Variants in COL23A1 observed in about 807,000 individuals in gnomAD.
COL23A1 encodes the protein collagen alpha-1(XXIII) chain.
In COL23A1, 97 loss-of-function variants were observed where a neutral mutation model predicts 99.3. The observed-to-expected ratio is 0.98, with a 90% CI of 0.83 to 1.16. COL23A1 has a LOEUF of 1.16. Ranked by LOEUF, COL23A1 falls within the 50% of genes most tolerant of loss-of-function variation. The pLI is 0.00. For missense variants in COL23A1, 762 were observed against 757.4 expected, an observed-to-expected ratio of 1.01 and a Z score of -0.07; for synonymous variants, 320 against 308.2, an observed-to-expected ratio of 1.04 and a Z score of -0.40.
chr5:178,254,954 G>C lies in COL23A1; in HGVS notation c.955C>G (p.Leu319Val). 6.2e-7 allele frequency: 1 copy of C among 1,613,186 alleles called. No individual in the cohort carries two copies. The highest frequency in any genetic ancestry group is 8.5e-7 in the Non-Finnish European group (1 of 1,179,366). The change falls in exon 16 of 29, where the codon CTC (leucine) becomes GTC (valine). Residue 319 changes from leucine to valine, a missense_variant. Physicochemically the swap from Leu to Val is conservative, Grantham distance 32 (BLOSUM62 1). Coordinates refer to ENST00000390654, the MANE Select transcript of COL23A1 (RefSeq NM_173465.4). ...GGTCCCACCAGGAACACTACCTTGA[G>C]GGCATCCAAGATCCTGCCATCATAG... ...IDYDGRILDA[L>V]KGPPGPQGPP...
chr5:178,367,051 T>C (rs945324662), intron 2 of COL23A1, among the ~76,000 whole-genome samples: 4 of 152,182 alleles, frequency 2.6e-5, no homozygotes, highest in African/African-American at 4.8e-5. Context: ...TCTTCTCTGG[T>C]TGGGTTTTGG....
intron 2 of COL23A1, among the ~76,000 whole-genome samples, chr5:178,471,347 T>TTC (rs1185649555): frequency 6.6e-6 from 1 of 152,198 alleles, no homozygotes; most frequent in Admixed American, 6.5e-5. Flanking sequence ...GTTCAAGTGA[T>TTC]TCTCCTGCCT....
intron 18 of COL23A1, among the ~76,000 whole-genome samples, chr5:178,249,759 G>A (rs983752460): frequency 1.9e-5 from 2 of 105,210 alleles, no homozygotes; most frequent in Middle Eastern, 7.9e-3. Flanking sequence ...CTCGAATTGG[G>A]GCAATACCTA....
intron 2 of COL23A1, among the ~76,000 whole-genome samples, chr5:178,346,650 C>CTA: frequency 6.6e-6 from 1 of 152,190 alleles, no homozygotes; most frequent in Non-Finnish European, 1.5e-5. Flanking sequence ...CTCTTGAAGG[C>CTA]TATCAACAAG....
intron 5 of COL23A1, among the ~76,000 whole-genome samples, chr5:178,278,431 C>G (rs1290757011): frequency 8.5e-5 from 13 of 152,210 alleles, no homozygotes; most frequent in Admixed American, 3.3e-4. Context: ...TCCAGCTTCT[C>G]TGGAAATGTT....
intron 2 of COL23A1, among the ~76,000 whole-genome samples, chr5:178,502,338 A>G (rs542802207): frequency 3.3e-4 from 51 of 152,244 alleles, no homozygotes; most frequent in East Asian, 1.6e-3. Flanking sequence ...TCACCATGTT[A>G]GCCAGGATGG....
intron 2 of COL23A1, among the ~76,000 whole-genome samples, chr5:178,377,114 G>C (rs1399912780): frequency 4.6e-5 from 7 of 152,182 alleles, no homozygotes; most frequent in African/African-American, 4.8e-5. Flanking sequence ...CAGATTGATG[G>C]GACTACGCGG....
chr5:178,531,147 G>A (rs556921110), intron 2 of COL23A1, among the ~76,000 whole-genome samples: 2 of 152,222 alleles, frequency 1.3e-5, no homozygotes, highest in East Asian at 1.9e-4. Context: ...GATTACAGGT[G>A]TGAGCCACCG....
rs1422595639 is a variant in COL23A1 at position 178,590,211 on chromosome 5, C to A, written c.-14G>T. On this transcript the variant is annotated 5_prime_UTR_variant, in exon 1 of 29. Transcript: ENST00000390654. This position sits in a 1 kb window ranked among gnomAD's most constrained non-coding sequence, Gnocchi z 5.7. Reference sequence around the variant, plus strand: ...GCCTGGGCCCATGGCGCGTTCGTCGCGCGTGGACTCTCCGAGGGGGCGGTG... The same window carrying A: ...GCCTGGGCCCATGGCGCGTTCGTCGAGCGTGGACTCTCCGAGGGGGCGGTG... The A allele has an allele frequency of 9.1e-6, 11 of 1,209,670 alleles. No homozygotes were observed. The highest frequency in any genetic ancestry group is 3.4e-5 in the East Asian group (1 of 28,996). 74.9% of individuals were successfully genotyped at this position (1,209,670 alleles called of 1,614,324 possible).
At chr5:178,355,059 A>AC (rs1761561089) in intron 2 of COL23A1, among the ~76,000 whole-genome samples, 1 of 151,396 alleles carries the variant, frequency 6.6e-6, no homozygotes, top group South Asian at 2.1e-4. Context: ...TTTGTCTCAA[A>AC]AAAAAAAAAA....
At chr5:178,524,277 T>C (rs547761689) in intron 2 of COL23A1, among the ~76,000 whole-genome samples, 3 of 152,312 alleles carry the variant, frequency 2.0e-5, no homozygotes, top group African/African-American at 7.2e-5. Flanking sequence ...CTTCACACTG[T>C]GGCCCCCCGC....
Position 178,555,360 on chromosome 5 carries a change from G to A in COL23A1, c.361+5322C>T, listed in dbSNP as rs145163835. On this transcript the variant is annotated intron_variant, in intron 2 of 28. Transcript: ENST00000390654. ...CCCATGCCCCAATTCTGAGACTTTC[G>A]GGAAAGAACAGTGCTGTATCTGCTG... Among the ~76,000 whole-genome samples the A allele has an allele frequency of 1.7e-3, 262 of 152,212 alleles. 2 individuals carry two copies. Among genetic ancestry groups the A allele is most frequent in the Admixed American group, 3.4e-3 (52 of 15,288 alleles).
chr5:178,577,241 T>C (rs1022474342), intron 1 of COL23A1, among the ~76,000 whole-genome samples: 1 of 152,128 alleles, frequency 6.6e-6, no homozygotes, highest in Admixed American at 6.5e-5. Flanking sequence ...GGCCTGCTTC[T>C]TCCCGAGCCC....
chr5:178,441,720 C>T (rs898073844), intron 2 of COL23A1, among the ~76,000 whole-genome samples: 1 of 152,048 alleles, frequency 6.6e-6, no homozygotes, highest in South Asian at 2.1e-4. Flanking sequence ...GGGGTGACGA[C>T]GCGGGGTGAT....
intron 3 of COL23A1, among the ~76,000 whole-genome samples, chr5:178,297,747 G>T (rs1757821731): frequency 6.9e-6 from 1 of 144,948 alleles, no homozygotes; most frequent in African/African-American, 2.6e-5. Flanking sequence ...TCTCCTTGCT[G>T]CCCAGATTGG....
intron 2 of COL23A1, among the ~76,000 whole-genome samples, chr5:178,323,995 A>C (rs1035175198): frequency 9.2e-5 from 14 of 152,148 alleles, no homozygotes; most frequent in African/African-American, 3.4e-4. Context: ...TCTTTTTTAA[A>C]GAAAAAGAAA....
intron 2 of COL23A1, among the ~76,000 whole-genome samples, chr5:178,427,707 GA>G (rs1245446286): frequency 6.6e-6 from 1 of 152,182 alleles, no homozygotes; most frequent in Non-Finnish European, 1.5e-5. Flanking sequence ...GAAGCTATCT[GA>G]AAAGGCCACA....
chr5:178,543,545 T>C (rs187778341), intron 2 of COL23A1, among the ~76,000 whole-genome samples: 3 of 152,290 alleles, frequency 2.0e-5, no homozygotes, highest in East Asian at 1.9e-4. Context: ...CTAATAGTCC[T>C]AAACAATGCC....
chr5:178,531,631 C>G (rs180737678), intron 2 of COL23A1, among the ~76,000 whole-genome samples: 1 of 152,236 alleles, frequency 6.6e-6, no homozygotes, highest in Non-Finnish European at 1.5e-5. Flanking sequence ...GCAAGCCCAA[C>G]GGATAGGATG....
Sources: allele counts gnomAD v4.1 joint callset (sites outside exome capture counted in the v4.1 genomes callset), GRCh38; gene constraint gnomAD v4.1.1; non-coding constraint Gnocchi (gnomAD v3.1); transcripts MANE v1.5; gene names NCBI Gene and HGNC (gene_info 2026-07-23, HGNC 2026-07-21).